NBAS: variants seen among roughly 807,000 people sequenced by gnomAD.
The protein encoded by NBAS is NAG/BC035112 fusion.
Under a neutral mutation model 302.5 loss-of-function variants are expected in NBAS, and 219 were observed. The observed-to-expected ratio is 0.72, with a 90% CI of 0.65 to 0.81. The LOEUF is 0.81. Among genes scored for constraint, NBAS ranks in the 30% least tolerant of loss-of-function variants. NBAS has a pLI of 0.00. For synonymous variants in NBAS, 1,118 were observed against 1,021.6 expected (o/e 1.09, Z -1.80); for missense variants, 2,932 against 2,841.6 (o/e 1.03, Z -0.72).
the NBAS span, among the ~76,000 whole-genome samples, chr2:15,112,402 CAA>C: frequency 1.3e-5 from 2 of 151,764 alleles, no homozygotes; most frequent in Non-Finnish European, 2.9e-5. Flanking sequence ...GATAAAGAAA[CAA>C]ACTTAGAAAA....
chr2:15,126,541 A>C, the NBAS span, among the ~76,000 whole-genome samples: 1 of 152,184 alleles, frequency 6.6e-6, no homozygotes. Flanking sequence ...TAAGAAACAC[A>C]GATCAGAGGT....
At chr2:15,209,823 A>T (rs1488984253) in intron 48 of NBAS, among the ~76,000 whole-genome samples, 2 of 152,180 alleles carry the variant, frequency 1.3e-5, no homozygotes, top group Non-Finnish European at 2.9e-5. Flanking sequence ...AAATCCAAGC[A>T]TCTACAGTAA....
chr2:15,099,310 C>G, the NBAS span, among the ~76,000 whole-genome samples: 1 of 151,844 alleles, frequency 6.6e-6, no homozygotes, highest in East Asian at 1.9e-4. Context: ...CCGCCGACCC[C>G]CAAAAAAAAG....
At position 15,167,005 on chromosome 2, in the gene NBAS, TC is replaced by T; in HGVS notation, c.*42del. On this transcript the variant is annotated 3_prime_UTR_variant, in exon 52 of 52. Transcript: ENST00000281513. ...GTTGCTTCTGGGAACAGCATTCAAC[TC>T]CAGATGCTTTTTCTGCTAAGGAGCA... 1.3e-6 allele frequency: 2 copies of T among 1,508,734 alleles called. No individual in the cohort carries two copies. Among genetic ancestry groups the T allele is most frequent in the Non-Finnish European group, 1.8e-6 (2 of 1,128,400 alleles). The allele number at this position is 1,508,734 out of a possible 1,614,324, so 93.5% of individuals were successfully genotyped here.
the NBAS span, among the ~76,000 whole-genome samples, chr2:14,828,332 C>A: frequency 2.0e-5 from 3 of 152,176 alleles, no homozygotes; most frequent in East Asian, 5.8e-4. Flanking sequence ...ATGGAAGGGG[C>A]ATTTGAGCTG....
intron 38 of NBAS, among the ~76,000 whole-genome samples, chr2:15,314,133 C>A (rs1055643329): frequency 6.6e-6 from 1 of 152,152 alleles, no homozygotes; most frequent in African/African-American, 2.4e-5. Context: ...GCAGGTGGAT[C>A]ACTTGAAGCT....
chr2:15,005,980 G>T, the NBAS span, among the ~76,000 whole-genome samples: 1 of 152,164 alleles, frequency 6.6e-6, no homozygotes, highest in East Asian at 1.9e-4. Flanking sequence ...AGAGGTAAGG[G>T]AGACCAGTTT....
At chr2:15,266,339 T>C (rs925097986) in intron 44 of NBAS, among the ~76,000 whole-genome samples, 1 of 152,180 alleles carries the variant, frequency 6.6e-6, no homozygotes, top group African/African-American at 2.4e-5. Context: ...AATTAAAAAC[T>C]AAAAGAGGCA....
At position 15,353,704 on chromosome 2, in the gene NBAS, G is replaced by T. The variant is rs770372450; in HGVS notation, c.3938C>A (p.Pro1313His). 1 of 1,613,858 alleles carries T rather than the reference G, an allele frequency of 6.2e-7. No individual in the cohort carries two copies. The highest frequency in any genetic ancestry group is 1.6e-4 in the Middle Eastern group (1 of 6,062). Residue 1313 changes from proline (P) to histidine (H), a missense_variant, in exon 34 of 52, where the codon CCT becomes CAT. Pro to His is a moderately conservative substitution (Grantham distance 77). Coordinates refer to ENST00000281513, the MANE Select transcript of NBAS (RefSeq NM_015909.4). ...CTGGCTACAAACATCCCAACTTTTA[G>T]GATAACCTGCAAAATTGGCAAGGAA... Reference protein sequence around the residue: ...HCQELMATGYPKSWDVCSQLG... With the variant: ...HCQELMATGYHKSWDVCSQLG...
At chr2:15,017,013 T>A in the NBAS span, among the ~76,000 whole-genome samples, 1 of 152,142 alleles carries the variant, frequency 6.6e-6, no homozygotes, top group Non-Finnish European at 1.5e-5. Context: ...TTTTAGTTAT[T>A]TTAAAATGCA....
the NBAS span, among the ~76,000 whole-genome samples, chr2:14,903,324 T>G: frequency 8.3e-6 from 1 of 119,908 alleles, no homozygotes; most frequent in Non-Finnish European, 1.9e-5. Context: ...GAAATAAGCT[T>G]TGCAAAAAAA....
the NBAS span, among the ~76,000 whole-genome samples, chr2:14,804,041 AAAGTT>A: frequency 1.3e-5 from 2 of 152,176 alleles, no homozygotes; most frequent in South Asian, 2.1e-4. Context: ...AAATATATAT[AAAGTT>A]AATTCATGGA....
the NBAS span, among the ~76,000 whole-genome samples, chr2:15,127,330 A>T: frequency 1.3e-5 from 2 of 152,318 alleles, no homozygotes; most frequent in South Asian, 4.2e-4. Flanking sequence ...TTCCACCCCA[A>T]AGTTACACCA....
chr2:14,876,499 T>C, the NBAS span, among the ~76,000 whole-genome samples: 52 of 152,300 alleles, frequency 3.4e-4, no homozygotes, highest in African/African-American at 1.2e-3. Context: ...TTCCCAAGAG[T>C]ATCTGTTGGG....
chr2:15,090,433 G>A, the NBAS span, among the ~76,000 whole-genome samples: 7 of 152,206 alleles, frequency 4.6e-5, no homozygotes, highest in Non-Finnish European at 8.8e-5. Context: ...TAGGGGCCAG[G>A]TGTTTTCAAG....
At chr2:15,346,859 G>A (rs1307046448) in intron 35 of NBAS, among the ~76,000 whole-genome samples, 2 of 152,196 alleles carry the variant, frequency 1.3e-5, no homozygotes, top group Non-Finnish European at 2.9e-5. Context: ...CAGGGACATA[G>A]ATGAAGCTAG....
the NBAS span, among the ~76,000 whole-genome samples, chr2:15,099,602 T>C: frequency 3.9e-5 from 6 of 151,986 alleles, no homozygotes; most frequent in South Asian, 2.1e-4. Context: ...AGAATTTACA[T>C]TGGGCTAACT....
At chr2:15,219,155 T>C (rs1282862404) in intron 47 of NBAS, among the ~76,000 whole-genome samples, 187 bp from the exon 48 acceptor site, 1 of 152,240 alleles carries the variant, frequency 6.6e-6, no homozygotes, top group Non-Finnish European at 1.5e-5. Context: ...AAAACCTATG[T>C]AAAATGAATG....
At chr2:15,263,689 T>C (rs1404127550) in intron 44 of NBAS, among the ~76,000 whole-genome samples, 1 of 93,032 alleles carries the variant, frequency 1.1e-5, no homozygotes, top group Non-Finnish European at 1.8e-5. Context: ...ACAAATACCC[T>C]CATCAGTTAA....
Sources: gnomAD v4.1 joint callset for allele counts (sites outside exome capture counted in the v4.1 genomes callset) on GRCh38, gnomAD v4.1.1 for gene constraint, MANE v1.5 for transcripts, NCBI Gene and HGNC (gene_info 2026-07-23, HGNC 2026-07-21) for gene names.